The following ZCCHC2 variants were observed in gnomAD, a reference collection of about 807,000 sequenced individuals.
ZCCHC2 encodes the protein zinc finger CCHC domain-containing protein 2.
A neutral mutation model predicts 103.6 loss-of-function variants in ZCCHC2; 39 were observed. That is an observed-to-expected ratio of 0.38 (90% CI 0.29 to 0.49). The LOEUF is 0.49. Ranked by LOEUF, ZCCHC2 falls within the 20% of genes least tolerant of loss-of-function variation. The pLI is 0.96. For synonymous variants in ZCCHC2, 687 were observed against 608.9 expected, an observed-to-expected ratio of 1.13 and a Z score of -1.89; for missense variants, 1,483 against 1,491.0, an observed-to-expected ratio of 0.99 and a Z score of 0.09.
rs185395069 is a variant in ZCCHC2 at position 62,566,205 on chromosome 18, A to G, written c.1846+1109A>G. On this transcript the variant is annotated intron_variant, in intron 11 of 13. Coordinates refer to ENST00000269499, the MANE Select transcript of ZCCHC2 (RefSeq NM_017742.6). ...GGTTGCAATGAGCCACGACTGCGCC[A>G]TTGCACTCCAGCCTGGGCAACAAGA... is the stretch of plus-strand genomic sequence containing the variant. Among the ~76,000 whole-genome samples the G allele has an allele frequency of 9.9e-3, 1,506 of 152,348 alleles. 17 individuals are homozygous for G. The highest frequency in any genetic ancestry group is 0.035 in the African/African-American group (1,439 of 41,576).
In ZCCHC2 at chr18:62,523,672, G is replaced by A. The variant is rs1914178431; in HGVS notation, c.248G>A (p.Gly83Asp). 2.9e-6 allele frequency: 4 copies of A among 1,363,794 alleles called. No homozygotes were observed. The highest frequency in any genetic ancestry group is 6.1e-5 in the East Asian group (2 of 32,552). The allele number at this position is 1,363,794 out of a possible 1,614,324, so 84.5% of individuals were successfully genotyped here. A position where few individuals can be genotyped will look rare whatever the true frequency, so the allele number is the denominator to read the frequency against. Reference protein sequence around the residue: ...GGAAAGAGMPGGGGGPSAALR... With the variant: ...GGAAAGAGMPDGGGGPSAALR... ...GCGGCGGCGGGGGCGGGTATGCCGGGCGGCGGCGGGGGGCCCTCGGCGGCG... is the reference window on the plus strand; with the variant it reads ...GCGGCGGCGGGGGCGGGTATGCCGGACGGCGGCGGGGGGCCCTCGGCGGCG... Residue 83 changes from glycine to aspartate, a missense_variant, in exon 1 of 14, where the codon GGC becomes GAC. This residue lies in a region of ZCCHC2 where 568 missense variants were observed against 525.1 expected (regional missense o/e 1.08). Coordinates refer to ENST00000269499, the MANE Select transcript of ZCCHC2 (RefSeq NM_017742.6).
At chr18:62,533,710 A>C in intron 1 of ZCCHC2, among the ~76,000 whole-genome samples, 1 of 151,964 alleles carries the variant, frequency 6.6e-6, no homozygotes, top group Non-Finnish European at 1.5e-5. Flanking sequence ...CTGATTTAAA[A>C]AAAATACAAA....
At chr18:62,556,007 G>A (rs1915870047) in intron 5 of ZCCHC2, among the ~76,000 whole-genome samples, 196 bp from the exon 6 acceptor site, 1 of 152,134 alleles carries the variant, frequency 6.6e-6, no homozygotes, top group Non-Finnish European at 1.5e-5. Flanking sequence ...GTCGATTCTT[G>A]CAAATGAATT....
Position 62,576,745 on chromosome 18 carries a change from G to A in ZCCHC2, c.*166G>A, listed in dbSNP as rs1340485165. On this transcript the variant is annotated 3_prime_UTR_variant, in exon 14 of 14. Coordinates refer to ENST00000269499, the MANE Select transcript of ZCCHC2 (RefSeq NM_017742.6). The stretch of plus-strand genomic sequence containing the variant: ...ACCAATGTCCAAAACAAGAAAGAAT[G>A]CAATGCTTTTGAGCCTCTGGTCTCC... The A allele has an allele frequency of 1.6e-6, 1 of 622,406 alleles. No homozygotes were observed. The highest frequency in any genetic ancestry group is 2.0e-5 in the South Asian group (1 of 48,868). 38.6% of individuals were successfully genotyped at this position (622,406 alleles called of 1,614,324 possible). A position where few individuals can be genotyped will look rare whatever the true frequency, so the allele number is the denominator to read the frequency against.
Position 62,570,146 on chromosome 18 carries a change from A to G in ZCCHC2, c.1890A>G (p.Glu630=), listed in dbSNP as rs778846725. 6.2e-7 allele frequency: 1 copy of G among 1,612,910 alleles called. No homozygotes were observed. Among genetic ancestry groups the G allele is most frequent in the Non-Finnish European group, 8.5e-7 (1 of 1,179,372 alleles). Reference sequence around the variant, plus strand: ...GCTCTGGACATGACACATGTGGAGAAACATCTTCAGAGAGTTACAGTTCTC... The same window carrying G: ...GCTCTGGACATGACACATGTGGAGAGACATCTTCAGAGAGTTACAGTTCTC... ...DIGSGHDTCG[E]TSSESYSSPS... Residue 630 remains glutamate, a synonymous_variant, in exon 12 of 14, where the codon GAA becomes GAG. Transcript: ENST00000269499.
Position 62,577,795 on chromosome 18 carries a change from A to G in ZCCHC2, c.*1216A>G, listed in dbSNP as rs575175435. On this transcript the variant is annotated 3_prime_UTR_variant, in exon 14 of 14. Coordinates refer to ENST00000269499, the MANE Select transcript of ZCCHC2 (RefSeq NM_017742.6). ...TTTTAAAAAGCCAATCTATGTACTA[A>G]ATTGCTTCCAGGTAATTTTTGATTT... is the stretch of plus-strand genomic sequence containing the variant. 4 of 152,698 alleles carry G rather than the reference A, an allele frequency of 2.6e-5. No individual in the cohort carries two copies. Among genetic ancestry groups the G allele is most frequent in the South Asian group, 4.1e-4 (2 of 4,830 alleles). The allele number at this position is 152,698 out of a possible 1,614,324, so 9.5% of individuals were successfully genotyped here.
intron 2 of ZCCHC2, 70 bp downstream of exon 2, chr18:62,539,862 TTAACTC>T: frequency 2.4e-6 from 3 of 1,266,838 alleles, no homozygotes; most frequent in Non-Finnish European, 2.2e-6. Context: ...TTTACGCTGA[TTAACTC>T]TAAACTTTTT....
At chr18:62,524,603 A>C (rs1376916157) in intron 1 of ZCCHC2, 2 of 539,848 alleles carry the variant, frequency 3.7e-6, no homozygotes, top group Admixed American at 8.2e-5. Flanking sequence ...AGAATGCTCT[A>C]GAAGTCCCTT....
chr18:62,523,645 G>A lies in ZCCHC2; in HGVS notation c.221G>A (p.Gly74Glu). The A allele has an allele frequency of 1.5e-6, 2 of 1,295,460 alleles. No homozygotes were observed. The highest frequency in any genetic ancestry group is 1.9e-6 in the Non-Finnish European group (2 of 1,027,198). 80.2% of individuals were successfully genotyped at this position (1,295,460 alleles called of 1,614,324 possible). Residue 74 changes from glycine to glutamate, a missense_variant, in exon 1 of 14, where the codon GGA becomes GAA. Physicochemically the swap from Gly to Glu is moderately conservative, Grantham distance 98. Coordinates refer to ENST00000269499, the MANE Select transcript of ZCCHC2 (RefSeq NM_017742.6). ...GGACTCGGGCCGCCTGTTGCTGGTG[G>A]AGCGGCGGCGGGGGCGGGTATGCCG... Reference protein sequence around the residue: ...PRGLGPPVAGGAAAGAGMPGG... With the variant: ...PRGLGPPVAGEAAAGAGMPGG...
intron 7 of ZCCHC2, 83 bp downstream of exon 7, chr18:62,558,853 T>C: frequency 1.1e-6 from 1 of 873,636 alleles, no homozygotes; most frequent in South Asian, 1.9e-5. Context: ...GAAACTGACA[T>C]ATAGGAATTG....
chr18:62,555,939 T>G (rs193147340), intron 5 of ZCCHC2, among the ~76,000 whole-genome samples: 28 of 152,340 alleles, frequency 1.8e-4, no homozygotes, highest in African/African-American at 6.0e-4. Context: ...AATACATTTT[T>G]GGGCCAGTAT....
exon 15 of ZCCHC2, chr18:62,585,177 C>G (rs1252650604): frequency 2.0e-5 from 3 of 152,220 alleles, no homozygotes; most frequent in African/African-American, 7.2e-5. Context: ...AAGCATTTAC[C>G]TGTCAGATAA....
At chr18:62,580,345 G>A (rs923368587), downstream of ZCCHC2, among the ~76,000 whole-genome samples, 2 of 152,208 alleles carry the variant, frequency 1.3e-5, no homozygotes, top group East Asian at 1.9e-4. Flanking sequence ...GTGTGTACAC[G>A]AGTCCTCTAG....
intron 4 of ZCCHC2, 139 bp from the exon 5 acceptor site, chr18:62,550,209 G>A (rs1167419570): frequency 9.4e-6 from 6 of 640,702 alleles, no homozygotes. Context: ...GTCAGATGTT[G>A]TGAAGATTTG....
chr18:62,544,738 C>G (rs1468543304), intron 3 of ZCCHC2, 64 bp from the exon 4 acceptor site: 6 of 1,409,576 alleles, frequency 4.3e-6, no homozygotes, highest in Non-Finnish European at 5.7e-6. Context: ...TTGCACATGG[C>G]TTTTTTCTAG....
intron 1 of ZCCHC2, among the ~76,000 whole-genome samples, chr18:62,535,180 C>G (rs1914867699): frequency 6.6e-6 from 1 of 152,232 alleles, no homozygotes; most frequent in Admixed American, 6.5e-5. Flanking sequence ...GTGCGCTTCT[C>G]TAGATCCTTG....
chr18:62,582,784 G>A (rs1917070603), downstream of ZCCHC2, among the ~76,000 whole-genome samples: 1 of 151,658 alleles, frequency 6.6e-6, no homozygotes, highest in South Asian at 2.1e-4. Context: ...CAATTTTGAT[G>A]AACAGGGAGA....
chr18:62,535,701 T>C (rs1914893887), intron 1 of ZCCHC2, among the ~76,000 whole-genome samples: 1 of 152,168 alleles, frequency 6.6e-6, no homozygotes, highest in Admixed American at 6.5e-5. Flanking sequence ...GACCTAACTT[T>C]AGAAGAGCAT....
chr18:62,532,545 TCTC>T (rs537728744), intron 1 of ZCCHC2, among the ~76,000 whole-genome samples: 158 of 152,342 alleles, frequency 1.0e-3, no homozygotes, highest in Non-Finnish European at 1.2e-3. Flanking sequence ...AGACTCAAAA[TCTC>T]CTCCTCCACT....
Sources: allele counts gnomAD v4.1 joint callset (sites outside exome capture counted in the v4.1 genomes callset), GRCh38; gene constraint gnomAD v4.1.1; regional missense constraint gnomAD v4.1.1; transcripts MANE v1.5; gene names NCBI Gene and HGNC (gene_info 2026-07-23, HGNC 2026-07-21).